Variants in WDPCP observed in about 807,000 individuals in gnomAD.
WDPCP encodes the protein WD repeat containing planar cell polarity effector.
WDPCP carries 71 observed loss-of-function variants against 93.1 expected under a neutral mutation model. The ratio of observed to expected loss-of-function variants is 0.76; its 90% confidence interval spans 0.63 to 0.93. WDPCP has a LOEUF of 0.93. WDPCP is among the 40% of genes least tolerant of loss of function. The pLI is 0.00. For synonymous variants in WDPCP, 315 were observed against 315.0 expected (o/e 1.00, Z 0.00); for missense variants, 844 against 887.4 (o/e 0.95, Z 0.62).
chr2:63,304,576 C>T (rs1282347773), intron 13 of WDPCP, among the ~76,000 whole-genome samples: 1 of 152,214 alleles, frequency 6.6e-6, no homozygotes, highest in Non-Finnish European at 1.5e-5. Flanking sequence ...CCAGATACTA[C>T]ACTTTTCCCA....
intron 1 of WDPCP, among the ~76,000 whole-genome samples, chr2:63,510,659 A>T (rs773076751): frequency 6.6e-6 from 1 of 152,224 alleles, no homozygotes; most frequent in African/African-American, 2.4e-5. Context: ...TTTGCAGATG[A>T]CATGATTGTA....
chr2:63,522,587 A>G (rs1292439351), intron 1 of WDPCP, among the ~76,000 whole-genome samples: 2 of 152,136 alleles, frequency 1.3e-5, no homozygotes, highest in South Asian at 4.1e-4. Flanking sequence ...AAAGAAAAAG[A>G]GAGAAGATCT....
At chr2:63,222,912 T>C (rs939809802) in intron 14 of WDPCP, among the ~76,000 whole-genome samples, 69 of 152,276 alleles carry the variant, frequency 4.5e-4, no homozygotes, top group African/African-American at 1.6e-3. Flanking sequence ...TAAAGTAAAA[T>C]TGATCTTCTT....
At chr2:63,157,481 C>A (rs528050048) in intron 15 of WDPCP, among the ~76,000 whole-genome samples, 1 of 152,086 alleles carries the variant, frequency 6.6e-6, no homozygotes, top group Non-Finnish European at 1.5e-5. Flanking sequence ...TTTCTCTCAA[C>A]GAATTCACCA....
chr2:63,685,772 T>G (rs1308673045), intron 2 of WDPCP, among the ~76,000 whole-genome samples: 1 of 152,230 alleles, frequency 6.6e-6, no homozygotes, highest in Non-Finnish European at 1.5e-5. Context: ...AAGTGAGATT[T>G]ATCCCAGGTA....
intron 3 of WDPCP, among the ~76,000 whole-genome samples, chr2:63,603,886 A>G (rs1242618826): frequency 6.6e-6 from 1 of 152,110 alleles, no homozygotes; most frequent in Non-Finnish European, 1.5e-5. Flanking sequence ...CGAACTGTCA[A>G]CCTCAGGTGA....
intron 10 of WDPCP, among the ~76,000 whole-genome samples, chr2:63,391,963 A>G (rs1330448068): frequency 1.3e-5 from 2 of 152,232 alleles, no homozygotes; most frequent in Admixed American, 1.3e-4. Context: ...ATACTGCCCA[A>G]GGTAATTTAT....
At chr2:63,486,991 G>A (rs939590225) in intron 3 of WDPCP, among the ~76,000 whole-genome samples, 1 of 151,948 alleles carries the variant, frequency 6.6e-6, no homozygotes, top group Non-Finnish European at 1.5e-5. Context: ...GACCAAAACA[G>A]GAAGTAACTC....
chr2:63,605,754 G>T, intron 3 of WDPCP: 1 of 617,118 alleles, frequency 1.6e-6, no homozygotes, highest in Middle Eastern at 4.2e-4. Context: ...TGATATGGAA[G>T]CGTGGAATGA....
intron 9 of WDPCP, among the ~76,000 whole-genome samples, chr2:63,410,242 T>A (rs901948966): frequency 3.3e-5 from 5 of 152,172 alleles, no homozygotes; most frequent in African/African-American, 9.7e-5. Context: ...CAATTATCAG[T>A]CAAGAATTTT....
chr2:63,717,509 T>A (rs1336511052), intron 2 of WDPCP: 3 of 447,026 alleles, frequency 6.7e-6, no homozygotes, highest in Admixed American at 2.5e-5. Flanking sequence ...AGAGAATACA[T>A]CTCGAACAAA....
At chr2:63,179,870 G>C (rs776117312) in intron 14 of WDPCP, among the ~76,000 whole-genome samples, 1 of 152,080 alleles carries the variant, frequency 6.6e-6, no homozygotes, top group Non-Finnish European at 1.5e-5. Flanking sequence ...GATATTTTCT[G>C]TGATTGCTGT....
chr2:63,156,364 C>T (rs554673557), intron 15 of WDPCP, among the ~76,000 whole-genome samples: 38 of 151,970 alleles, frequency 2.5e-4, no homozygotes, highest in Admixed American at 9.8e-4. Context: ...AGACTTATAA[C>T]ACAGTATTTC....
intron 5 of WDPCP, 118 bp downstream of exon 5, chr2:63,484,799 G>T: frequency 6.7e-7 from 1 of 1,491,946 alleles, no homozygotes; most frequent in South Asian, 1.2e-5. Flanking sequence ...CTCATCACTG[G>T]ACAAAAGCAA....
intron 14 of WDPCP, among the ~76,000 whole-genome samples, chr2:63,242,254 G>C (rs1273377879): frequency 6.6e-6 from 1 of 152,046 alleles, no homozygotes; most frequent in South Asian, 2.1e-4. Context: ...TTATAGCATA[G>C]TATCTGCAAG....
intron 17 of WDPCP, among the ~76,000 whole-genome samples, chr2:63,141,199 C>T (rs1671034889): frequency 6.6e-6 from 1 of 152,136 alleles, no homozygotes; most frequent in Non-Finnish European, 1.5e-5. Context: ...CTGTCTCAGC[C>T]TCCCGAGTAG....
chr2:63,688,510 G>A (rs1477068994), intron 2 of WDPCP, among the ~76,000 whole-genome samples: 2 of 85,464 alleles, frequency 2.3e-5, no homozygotes, highest in African/African-American at 6.3e-5. Flanking sequence ...GGGTTATTGC[G>A]GGGTTGGGGA....
In WDPCP at chr2:63,720,415, T is replaced by TCAAAA. The variant is rs1167952657; in HGVS notation, n.309-69578_309-69577insTTTTG. 7.4e-3 allele frequency among the ~76,000 whole-genome samples: 1,070 copies of TCAAAA among 144,990 alleles called. 8 individuals carry two copies. The highest frequency in any genetic ancestry group is 9.9e-3 in the Non-Finnish European group (657 of 66,038). ...CCGGGTGACAGAGCAAGACTCTACC[T>TCAAAA]TAAAAAAAAAAAAAAACAAAACAAA... On this transcript the variant is annotated intron_variant and non_coding_transcript_variant, in intron 2 of 4. Transcript: ENST00000467687.
chr2:63,352,964 C>CT (rs1396443506), intron 12 of WDPCP, among the ~76,000 whole-genome samples: 1 of 152,024 alleles, frequency 6.6e-6, no homozygotes, highest in Non-Finnish European at 1.5e-5. Context: ...TAGTAAAGTC[C>CT]TTTTTTAAAA....
Sources: allele counts gnomAD v4.1 joint callset (sites outside exome capture counted in the v4.1 genomes callset), GRCh38; gene constraint gnomAD v4.1.1; transcripts MANE v1.5; gene names NCBI Gene and HGNC (gene_info 2026-07-23, HGNC 2026-07-21).